REEP1: variants seen among roughly 807,000 people sequenced by gnomAD.
REEP1 encodes receptor expression-enhancing protein 1.
A neutral mutation model predicts 40.3 loss-of-function variants in REEP1; 22 were observed. The ratio of observed to expected loss-of-function variants is 0.55; its 90% CI spans 0.39 to 0.78. The LOEUF is 0.78. Ranked by LOEUF, REEP1 falls within the 30% of genes least tolerant of loss-of-function variation. The pLI is 0.00. For missense variants in REEP1, 280 were observed against 361.1 expected (o/e 0.78, Z 1.82); for synonymous variants, 116 against 139.2 (o/e 0.83, Z 1.17).
intron 1 of REEP1, among the ~76,000 whole-genome samples, chr2:86,316,758 C>G (rs1458985721): frequency 1.3e-5 from 2 of 151,690 alleles, no homozygotes; most frequent in Non-Finnish European, 2.9e-5. Flanking sequence ...ACTCAGGAGG[C>G]TGAAGCAGGA....
chr2:86,305,839 G>A (rs13388621), intron 1 of REEP1, among the ~76,000 whole-genome samples: 5,564 of 152,098 alleles, frequency 0.037, 345 homozygotes, highest in African/African-American at 0.13. Context: ...CGGAGGACTC[G>A]AGAAACTTCT....
intron 5 of REEP1, among the ~76,000 whole-genome samples, chr2:86,248,268 C>G (rs1676077663): frequency 6.6e-6 from 1 of 152,160 alleles, no homozygotes; most frequent in African/African-American, 2.4e-5. Flanking sequence ...ATCCCTTTCA[C>G]TAAATGCAGT....
intron 5 of REEP1, among the ~76,000 whole-genome samples, chr2:86,239,298 C>A (rs1329122880): frequency 2.0e-5 from 3 of 150,574 alleles, no homozygotes; most frequent in African/African-American, 7.3e-5. Context: ...CATGGTATCT[C>A]CAGAAACCGA....
chr2:86,314,093 A>C (rs1679883324), intron 1 of REEP1, among the ~76,000 whole-genome samples: 1 of 152,192 alleles, frequency 6.6e-6, no homozygotes, highest in South Asian at 2.1e-4. Flanking sequence ...GCTGACCCAC[A>C]GTGACTGGAA....
At chr2:86,279,052 C>T (rs1411279142) in intron 2 of REEP1, among the ~76,000 whole-genome samples, 1 of 152,174 alleles carries the variant, frequency 6.6e-6, no homozygotes, top group South Asian at 2.1e-4. Flanking sequence ...CCTGACCAGC[C>T]CTGGTGGTTC....
At chr2:86,278,040 C>T (rs138258265) in intron 2 of REEP1, among the ~76,000 whole-genome samples, 4 of 152,248 alleles carry the variant, frequency 2.6e-5, no homozygotes, top group African/African-American at 7.2e-5. Flanking sequence ...TATTTGGGGT[C>T]TCCTTTGAAC....
At chr2:86,221,834 A>C (rs138087193) in intron 7 of REEP1, among the ~76,000 whole-genome samples, 1 of 152,290 alleles carries the variant, frequency 6.6e-6, no homozygotes, top group East Asian at 1.9e-4. Context: ...CAAACCAGGA[A>C]ATTCCTTCTG....
intron 5 of REEP1, among the ~76,000 whole-genome samples, chr2:86,233,771 A>T (rs1675150965): frequency 1.3e-5 from 2 of 152,184 alleles, no homozygotes; most frequent in South Asian, 4.1e-4. Context: ...ATGAACTCAG[A>T]CATCTTCAGA....
chr2:86,282,836 C>G (rs867309944), intron 1 of REEP1, among the ~76,000 whole-genome samples: 29 of 152,164 alleles, frequency 1.9e-4, no homozygotes, highest in Admixed American at 3.3e-4. Context: ...GGCAGCAGCT[C>G]TCACTGATCT....
chr2:86,242,038 T>A (rs1021373476), intron 5 of REEP1, among the ~76,000 whole-genome samples: 1 of 152,098 alleles, frequency 6.6e-6, no homozygotes, highest in Admixed American at 6.6e-5. Flanking sequence ...TTTTTTTTTT[T>A]ATTCTGTTCA....
At chr2:86,294,497 A>G (rs1443913964) in intron 1 of REEP1, among the ~76,000 whole-genome samples, 1 of 152,198 alleles carries the variant, frequency 6.6e-6, no homozygotes, top group Non-Finnish European at 1.5e-5. Flanking sequence ...TAATCTTTCA[A>G]TTTATATCTG....
intron 5 of REEP1, among the ~76,000 whole-genome samples, chr2:86,243,364 G>A (rs2104147541): frequency 6.6e-6 from 1 of 152,314 alleles, no homozygotes; most frequent in Non-Finnish European, 1.5e-5. Context: ...TGTGAGGTCA[G>A]GCAGGCAGGC....
chr2:86,225,778 G>A (rs1256178341), intron 7 of REEP1, among the ~76,000 whole-genome samples: 1 of 152,200 alleles, frequency 6.6e-6, no homozygotes, highest in Non-Finnish European at 1.5e-5. Context: ...TTCCTCCCCT[G>A]ACACCAGCCA....
At chr2:86,317,056 C>T (rs117763463) in intron 1 of REEP1, among the ~76,000 whole-genome samples, 4,581 of 152,188 alleles carry the variant, frequency 0.03, 119 homozygotes, top group East Asian at 0.069. Context: ...AGGAGGCGGT[C>T]GAGGGTGCAC....
chr2:86,268,958 T>C (rs1039488285), intron 2 of REEP1, among the ~76,000 whole-genome samples: 1 of 152,202 alleles, frequency 6.6e-6, no homozygotes, highest in Non-Finnish European at 1.5e-5. Context: ...ATCTAGGCAC[T>C]GACCTTACAT....
chr2:86,316,084 C>T (rs1418630829), intron 1 of REEP1, among the ~76,000 whole-genome samples: 1 of 152,124 alleles, frequency 6.6e-6, no homozygotes, highest in Non-Finnish European at 1.5e-5. Flanking sequence ...AGACGAGACA[C>T]CAGAAAACCT....
At chr2:86,305,195 T>G (rs1679427232) in intron 1 of REEP1, among the ~76,000 whole-genome samples, 1 of 152,194 alleles carries the variant, frequency 6.6e-6, no homozygotes, top group Admixed American at 6.5e-5. Flanking sequence ...AGATGGTCCC[T>G]CTAGTCTTAA....
chr2:86,278,693 G>C (rs35943273), intron 2 of REEP1, among the ~76,000 whole-genome samples: 10,226 of 152,228 alleles, frequency 0.067, 531 homozygotes, highest in African/African-American at 0.13. Flanking sequence ...ATCCAGGACT[G>C]TGCACTGTCA....
intron 2 of REEP1, among the ~76,000 whole-genome samples, chr2:86,281,742 C>A (rs894808297): frequency 6.6e-6 from 1 of 152,172 alleles, no homozygotes; most frequent in Non-Finnish European, 1.5e-5. Flanking sequence ...GGAATGGGGG[C>A]AGAGCTGCAG....
Sources: gnomAD v4.1 joint callset for allele counts (sites outside exome capture counted in the v4.1 genomes callset) on GRCh38, gnomAD v4.1.1 for gene constraint, MANE v1.5 for transcripts, NCBI Gene and HGNC (gene_info 2026-07-23, HGNC 2026-07-21) for gene names.